ERC1: variants seen among roughly 807,000 people sequenced by gnomAD.
ERC1 encodes ELKS/RAB6-interacting/CAST family member 1.
A neutral mutation model predicts 132.0 loss-of-function variants in ERC1; 56 were observed. The observed-to-expected ratio is 0.42, with a 90% CI of 0.34 to 0.53. The LOEUF is 0.53. ERC1 is among the 20% of genes least tolerant of loss of function. The pLI, the probability that ERC1 is intolerant of heterozygous loss-of-function variation, is 0.03. For missense variants in ERC1, 1,202 were observed against 1,349.9 expected (o/e 0.89, Z 1.72); for synonymous variants, 478 against 476.1 (o/e 1.00, Z -0.05).
At chr12:1,174,467 G>A (rs948425366) in intron 8 of ERC1, among the ~76,000 whole-genome samples, 2 of 152,196 alleles carry the variant, frequency 1.3e-5, no homozygotes, top group Admixed American at 6.5e-5. Context: ...ACTTGCTGAC[G>A]GCATTTTACC....
At chr12:1,385,492 G>C (rs886617275) in intron 16 of ERC1, among the ~76,000 whole-genome samples, 1 of 152,074 alleles carries the variant, frequency 6.6e-6, no homozygotes, top group African/African-American at 2.4e-5. Flanking sequence ...CACCGTGTTA[G>C]CCAGGATGGT....
rs555782861 is a variant in ERC1 at position 1,170,906 on chromosome 12, A to T, written c.1738-9634A>T. On this transcript the variant is annotated intron_variant, in intron 8 of 18. Transcript: ENST00000360905. ...AAATTTGAACAGTTTTAAAGATAAAATATAGTAGTATTCTGGTGAAGTTTA... is the reference window on the plus strand; with the variant it reads ...AAATTTGAACAGTTTTAAAGATAAATTATAGTAGTATTCTGGTGAAGTTTA... Among the ~76,000 whole-genome samples the T allele has an allele frequency of 3.1e-4, 47 of 152,342 alleles. 1 individual carries two copies. The South Asian group carries it at 9.7e-3, about 32-fold the overall frequency.
At chr12:1,256,380 G>A (rs1389106997) in intron 13 of ERC1, among the ~76,000 whole-genome samples, 1 of 146,658 alleles carries the variant, frequency 6.8e-6, no homozygotes, top group African/African-American at 2.5e-5. Flanking sequence ...TCTTTATTCA[G>A]TGGGGGCCAA....
intron 13 of ERC1, among the ~76,000 whole-genome samples, chr12:1,243,270 G>T (rs1052879720): frequency 6.6e-6 from 1 of 152,012 alleles, no homozygotes; most frequent in Non-Finnish European, 1.5e-5. Context: ...TAGATTATCT[G>T]CAAATACGAC....
chr12:1,147,815 T>C (rs1950515843), intron 8 of ERC1, among the ~76,000 whole-genome samples: 1 of 152,214 alleles, frequency 6.6e-6, no homozygotes, highest in South Asian at 2.1e-4. Context: ...GATTCACCAC[T>C]GTGCCAGCAG....
intron 12 of ERC1, among the ~76,000 whole-genome samples, chr12:1,194,450 TTAAA>T (rs1291285189): frequency 6.6e-6 from 1 of 150,704 alleles, no homozygotes; most frequent in Non-Finnish European, 1.5e-5. Flanking sequence ...ATAAAATAAA[TTAAA>T]TAAAGTACTT....
intron 16 of ERC1, chr12:1,385,827 A>G (rs1321819993): frequency 6.6e-6 from 1 of 152,182 alleles, no homozygotes; most frequent in Non-Finnish European, 1.5e-5. Flanking sequence ...CTCTTAATAC[A>G]TATTTTAACA....
intron 8 of ERC1, among the ~76,000 whole-genome samples, chr12:1,142,961 C>T (rs376088223): frequency 1.3e-5 from 2 of 152,184 alleles, no homozygotes; most frequent in East Asian, 3.8e-4. Context: ...TGCAGAGGCA[C>T]GATCTCGGCT....
At chr12:1,126,118 C>T (rs1474769080) in intron 7 of ERC1, among the ~76,000 whole-genome samples, 4 of 152,122 alleles carry the variant, frequency 2.6e-5, no homozygotes, top group African/African-American at 9.7e-5. Context: ...ATTGAGATAG[C>T]AAATTTTATG....
intron 7 of ERC1, among the ~76,000 whole-genome samples, chr12:1,120,584 G>A (rs2154215460): frequency 6.6e-6 from 1 of 152,222 alleles, no homozygotes; most frequent in Non-Finnish European, 1.5e-5. Flanking sequence ...TTCCAAAATT[G>A]TGATGCTATA....
At chr12:1,383,630 TCACA>T (rs911743129) in intron 16 of ERC1, among the ~76,000 whole-genome samples, 1 of 152,004 alleles carries the variant, frequency 6.6e-6, no homozygotes, top group Non-Finnish European at 1.5e-5. Flanking sequence ...CAAGACTCTG[TCACA>T]CACACACAAA....
At chr12:1,335,487 C>T (rs1044135585) in intron 15 of ERC1, among the ~76,000 whole-genome samples, 1 of 152,070 alleles carries the variant, frequency 6.6e-6, no homozygotes, top group Non-Finnish European at 1.5e-5. Context: ...TTGTGATAAT[C>T]CTGTAGTTTT....
intron 13 of ERC1, among the ~76,000 whole-genome samples, chr12:1,250,665 A>G (rs2076418526): frequency 6.6e-6 from 1 of 152,174 alleles, no homozygotes; most frequent in Non-Finnish European, 1.5e-5. Flanking sequence ...TGTATGTTTT[A>G]ACACAGGAAA....
At chr12:1,266,077 A>C (rs2077457727) in intron 14 of ERC1, among the ~76,000 whole-genome samples, 1 of 152,126 alleles carries the variant, frequency 6.6e-6, no homozygotes, top group African/African-American at 2.4e-5. Context: ...TGTGAGTGTG[A>C]TTGCTGGATT....
intron 17 of ERC1, 111 bp downstream of exon 17, chr12:1,408,358 A>G: frequency 2.9e-6 from 2 of 682,144 alleles, no homozygotes; most frequent in Non-Finnish European, 4.8e-6. Context: ...AATAAAAATA[A>G]ATAGCTAATT....
chr12:1,126,714 G>C (rs1009919364), intron 7 of ERC1, among the ~76,000 whole-genome samples: 1 of 152,162 alleles, frequency 6.6e-6, no homozygotes, highest in Admixed American at 6.5e-5. Flanking sequence ...TTGAGGCTAG[G>C]TGTGGTGGCT....
At chr12:1,189,500 C>G (rs1955491250) in intron 11 of ERC1, among the ~76,000 whole-genome samples, 2 of 152,172 alleles carry the variant, frequency 1.3e-5, no homozygotes, top group Admixed American at 6.5e-5. Context: ...AGCAGTGAGT[C>G]CCTGGTGTTG....
At chr12:1,005,075 A>C (rs1592633069) in intron 1 of ERC1, among the ~76,000 whole-genome samples, 1 of 152,134 alleles carries the variant, frequency 6.6e-6, no homozygotes, top group Non-Finnish European at 1.5e-5. Flanking sequence ...TATTCACTTT[A>C]CTTTCATTAA....
At chr12:1,219,448 CCTACGTTAAAT>C (rs1958750661) in intron 12 of ERC1, among the ~76,000 whole-genome samples, 1 of 152,052 alleles carries the variant, frequency 6.6e-6, no homozygotes, top group Non-Finnish European at 1.5e-5. Context: ...TTTCTTACTC[CCTACGTTAAAT>C]CTATTAGTAA....
Sources: allele counts gnomAD v4.1 joint callset (sites outside exome capture counted in the v4.1 genomes callset), GRCh38; gene constraint gnomAD v4.1.1; transcripts MANE v1.5; gene names NCBI Gene and HGNC (gene_info 2026-07-23, HGNC 2026-07-21).